The following PBX3 variants were observed in gnomAD, a reference collection of about 807,000 sequenced individuals.
PBX3 encodes the protein pre-B-cell leukemia transcription factor 3.
PBX3 carries 14 observed loss-of-function variants against 48.5 expected under a neutral mutation model. The observed-to-expected ratio is 0.29, with a 90% CI of 0.19 to 0.45. The LOEUF is 0.45. Among genes scored for constraint, PBX3 ranks in the 20% least tolerant of loss-of-function variants. The probability of loss-of-function intolerance (pLI) is 1.00; values close to 1 mark genes in which losing one functional copy is unlikely to be tolerated. For missense variants in PBX3, 386 were observed against 546.7 expected (o/e 0.71, Z 2.93); for synonymous variants, 210 against 200.3 (o/e 1.05, Z -0.41).
At chr9:125,819,561 T>C (rs1231520585) in intron 2 of PBX3, among the ~76,000 whole-genome samples, 2 of 152,072 alleles carry the variant, frequency 1.3e-5, no homozygotes, top group Non-Finnish European at 2.9e-5. Flanking sequence ...CTAGCTATAA[T>C]AGATCAGCTG....
intron 2 of PBX3, among the ~76,000 whole-genome samples, chr9:125,846,694 C>G (rs970917826): frequency 1.3e-5 from 2 of 151,928 alleles, no homozygotes; most frequent in African/African-American, 2.4e-5. Flanking sequence ...CATATTATTT[C>G]ACCTGTAAAT....
chr9:125,964,877 C>T (rs1311503038), intron 8 of PBX3, among the ~76,000 whole-genome samples: 2 of 152,142 alleles, frequency 1.3e-5, no homozygotes, highest in African/African-American at 4.8e-5. Flanking sequence ...GCAGGAGGCA[C>T]CTTATGACCC....
chr9:125,798,566 CT>C (rs1212790206), intron 2 of PBX3, among the ~76,000 whole-genome samples: 2 of 152,164 alleles, frequency 1.3e-5, no homozygotes, highest in Admixed American at 1.3e-4. Context: ...CAAATGATTA[CT>C]GAATAAAGGC....
At chr9:125,769,837 T>C (rs1836896599) in intron 2 of PBX3, among the ~76,000 whole-genome samples, 1 of 152,222 alleles carries the variant, frequency 6.6e-6, no homozygotes, top group South Asian at 2.1e-4. Context: ...CGAGGAGATT[T>C]CTAAGGCTTT....
At chr9:125,776,999 A>C (rs1013319452) in intron 2 of PBX3, among the ~76,000 whole-genome samples, 7 of 138,542 alleles carry the variant, frequency 5.1e-5, no homozygotes, top group Middle Eastern at 7.6e-3. Flanking sequence ...CTGACACATG[A>C]TTTTTCTTTT....
At chr9:125,899,100 A>C (rs1188664608) in intron 2 of PBX3, among the ~76,000 whole-genome samples, 1 of 150,742 alleles carries the variant, frequency 6.6e-6, no homozygotes, top group Non-Finnish European at 1.5e-5. Flanking sequence ...AAGGAAGCTA[A>C]ATTGTTTTCC....
intron 2 of PBX3, chr9:125,843,742 G>T (rs1028038654): frequency 4.4e-6 from 2 of 451,158 alleles, no homozygotes; most frequent in Non-Finnish European, 8.9e-6. Flanking sequence ...GTGCAGCGAG[G>T]TCATAAGCTG....
intron 2 of PBX3, among the ~76,000 whole-genome samples, chr9:125,889,723 C>T (rs1473789761): frequency 6.6e-6 from 1 of 151,342 alleles, no homozygotes; most frequent in Non-Finnish European, 1.5e-5. Flanking sequence ...GGTGAGAATT[C>T]GCTGTCAGCC....
intron 5 of PBX3, among the ~76,000 whole-genome samples, chr9:125,944,214 T>C (rs910701588): frequency 2.6e-5 from 4 of 152,250 alleles, no homozygotes; most frequent in Admixed American, 2.6e-4. Flanking sequence ...GCTTTCCTTG[T>C]TTCTTCTCTT....
chr9:125,916,175 G>T (rs73668726), intron 3 of PBX3, among the ~76,000 whole-genome samples: 1 of 152,100 alleles, frequency 6.6e-6, no homozygotes. Flanking sequence ...GCACATTCAC[G>T]TGCCCTTATT....
intron 5 of PBX3, among the ~76,000 whole-genome samples, chr9:125,958,374 C>G (rs1842354340): frequency 6.6e-6 from 1 of 152,214 alleles, no homozygotes. Flanking sequence ...TTATAATGCA[C>G]ACCTGCTGTG....
intron 6 of PBX3, among the ~76,000 whole-genome samples, chr9:125,961,581 A>G (rs915443747): frequency 3.3e-5 from 5 of 152,198 alleles, no homozygotes; most frequent in Admixed American, 6.5e-5. Context: ...AGAAGTTCAG[A>G]AAGTAGGGGG....
intron 2 of PBX3, among the ~76,000 whole-genome samples, chr9:125,857,837 A>C (rs556597337): frequency 4.3e-4 from 66 of 152,376 alleles, no homozygotes; most frequent in African/African-American, 1.5e-3. Context: ...GTATGTAAAC[A>C]CATTATATGT....
At chr9:125,889,829 TCCGCGG>T (rs1840594507) in intron 2 of PBX3, among the ~76,000 whole-genome samples, 3 of 147,864 alleles carry the variant, frequency 2.0e-5, no homozygotes, top group African/African-American at 7.3e-5. Context: ...CGTCCGCCGC[TCCGCGG>T]CTCCGCGCTG....
intron 2 of PBX3, among the ~76,000 whole-genome samples, chr9:125,877,060 C>T (rs151021773): frequency 2.6e-5 from 4 of 152,248 alleles, no homozygotes; most frequent in Non-Finnish European, 5.9e-5. Context: ...GCGTGAGCCA[C>T]CGTGCCGGGC....
chr9:125,807,544 G>A (rs1838163355), intron 2 of PBX3, among the ~76,000 whole-genome samples: 2 of 152,120 alleles, frequency 1.3e-5, no homozygotes, highest in Non-Finnish European at 2.9e-5. Context: ...CATAACCTGC[G>A]TAAGATTCCT....
chr9:125,811,682 G>A (rs952353087), intron 2 of PBX3, among the ~76,000 whole-genome samples: 1 of 152,146 alleles, frequency 6.6e-6, no homozygotes, highest in African/African-American at 2.4e-5. Context: ...GACTAATACA[G>A]GCTGCCTACA....
chr9:125,849,862 G>A (rs1839530567), intron 2 of PBX3, among the ~76,000 whole-genome samples: 2 of 151,846 alleles, frequency 1.3e-5, no homozygotes, highest in South Asian at 2.1e-4. Flanking sequence ...CAGCTTTAAC[G>A]TTTTTACTTA....
intron 2 of PBX3, among the ~76,000 whole-genome samples, chr9:125,757,295 T>G (rs1163449213): frequency 6.6e-6 from 1 of 151,920 alleles, no homozygotes; most frequent in East Asian, 1.9e-4. Flanking sequence ...AAAAAAAAAC[T>G]ACAGGTGAAG....
Sources: allele counts gnomAD v4.1 joint callset (sites outside exome capture counted in the v4.1 genomes callset), GRCh38; gene constraint gnomAD v4.1.1; transcripts MANE v1.5; gene names NCBI Gene and HGNC (gene_info 2026-07-23, HGNC 2026-07-21).